TG: variants seen among roughly 807,000 people sequenced by gnomAD.
TG encodes the protein thyroglobulin, also known as thyroid hormones.
In TG, 270 loss-of-function variants were observed where a neutral mutation model predicts 324.7. That is an observed-to-expected ratio of 0.83 (90% CI 0.75 to 0.92). The LOEUF (loss-of-function observed/expected upper bound fraction) is 0.92, where lower values mean the gene tolerates loss of function less well. Among genes scored for constraint, TG ranks in the 40% least tolerant of loss-of-function variants. The probability of loss-of-function intolerance (pLI) is 0.00; values close to 1 mark genes in which losing one functional copy is unlikely to be tolerated. For missense variants in TG, 3,591 were observed against 3,456.4 expected, an observed-to-expected ratio of 1.04 and a Z score of -0.98; for synonymous variants, 1,401 against 1,327.0, an observed-to-expected ratio of 1.06 and a Z score of -1.21.
At chr8:133,116,567 G>T in intron 44 of TG, 42 bp from the exon 45 acceptor site, 1 of 1,577,072 alleles carries the variant, frequency 6.3e-7, no homozygotes, top group South Asian at 1.1e-5. Context: ...GGCCCATAGA[G>T]CCATGTTTAA....
At chr8:132,963,141 G>T in intron 29 of TG, 67 bp downstream of exon 29, 1 of 1,426,152 alleles carries the variant, frequency 7.0e-7, no homozygotes, top group South Asian at 1.1e-5. Context: ...GGTGCACCAA[G>T]AGTTTAATCA....
At chr8:132,887,752 C>T (rs912143887) in intron 9 of TG, among the ~76,000 whole-genome samples, 1 of 152,080 alleles carries the variant, frequency 6.6e-6, no homozygotes, top group African/African-American at 2.4e-5. Flanking sequence ...ATTTGTCTGG[C>T]CTTAAAGAAC....
At chr8:132,868,480 C>T (rs940083450) in intron 2 of TG, among the ~76,000 whole-genome samples, 42 of 152,216 alleles carry the variant, frequency 2.8e-4, no homozygotes, top group African/African-American at 9.7e-4. Flanking sequence ...ACTGCCCTCC[C>T]TTCTCTTCTT....
At chr8:132,909,563 C>T (rs1478761345) in intron 18 of TG, among the ~76,000 whole-genome samples, 2 of 152,110 alleles carry the variant, frequency 1.3e-5, no homozygotes, top group African/African-American at 4.8e-5. Context: ...CAGAGAGCTT[C>T]TAAGGTCAGA....
rs117469795 is a variant in TG, at chr8:133,093,669, C to T, written c.7240-1375C>T. On this transcript the variant is annotated intron_variant, in intron 41 of 47. Transcript: ENST00000220616. ...TGGCTGAGATTCTGACTGGCCTTGC[C>T]TCTGACCCTAGCCACATGTCCCTTC... Among the ~76,000 whole-genome samples the T allele has an allele frequency of 9.7e-3, 1,471 of 152,316 alleles. 13 individuals carry two copies. Among genetic ancestry groups the T allele is most frequent in the Middle Eastern group, 0.02 (6 of 294 alleles).
chr8:133,037,642 T>A (rs1436744191), intron 41 of TG: 11 of 151,964 alleles, frequency 7.2e-5, no homozygotes, highest in African/African-American at 1.2e-4. Context: ...ACGCATCTTT[T>A]TTTTTTTTTT....
At chr8:133,129,742 C>G (rs893890611) in intron 45 of TG, among the ~76,000 whole-genome samples, 2 of 152,166 alleles carry the variant, frequency 1.3e-5, no homozygotes, top group Admixed American at 6.5e-5. Context: ...AGCAATCCAC[C>G]TGCCTTGGCC....
At chr8:133,023,319 A>T (rs1434730315) in intron 40 of TG, among the ~76,000 whole-genome samples, 1 of 151,942 alleles carries the variant, frequency 6.6e-6, no homozygotes, top group South Asian at 2.1e-4. Flanking sequence ...ATTTTTTTTG[A>T]TGGGGAGCAG....
chr8:132,969,348 A>G (rs1829132487), intron 31 of TG, 110 bp from the exon 32 acceptor site: 3 of 790,210 alleles, frequency 3.8e-6, no homozygotes, highest in Admixed American at 1.9e-5. Context: ...TGAATTTAAT[A>G]TGTCATCTTT....
chr8:133,011,769 G>T lies in TG; in HGVS notation c.6263-132G>T, dbSNP rs143182469. 112 of 1,068,456 alleles carry T rather than the reference G, an allele frequency of 1.0e-4. No individual in the cohort carries two copies. In the East Asian group the frequency reaches 2.6e-3, roughly 25 times the overall value. The allele number at this position is 1,068,456 out of a possible 1,614,324, so 66.2% of individuals were successfully genotyped here. On this transcript the variant is annotated intron_variant, in intron 35 of 47. Coordinates refer to ENST00000220616, the MANE Select transcript of TG (RefSeq NM_003235.5). ...AATGGAAAGATGGATCAAGCTATAAGGTTGCACAGGAATGGAGACCAAGAG... is the reference window on the plus strand; with the variant it reads ...AATGGAAAGATGGATCAAGCTATAATGTTGCACAGGAATGGAGACCAAGAG...
chr8:133,128,475 G>A (rs1040168515), intron 45 of TG, among the ~76,000 whole-genome samples: 1 of 152,058 alleles, frequency 6.6e-6, no homozygotes, highest in Admixed American at 6.6e-5. Flanking sequence ...TCTTCCTTGA[G>A]TGGCAACTTA....
rs902308994 is a variant in TG, at chr8:133,042,690, T to C, written c.7239+12667T>C. 1.2e-3 allele frequency among the ~76,000 whole-genome samples: 152 copies of C among 123,044 alleles called. 2 individuals carry two copies. Among genetic ancestry groups the C allele is most frequent in the Non-Finnish European group, 1.8e-3 (113 of 61,390 alleles). The allele number at this position is 123,044 out of a possible 152,430, so 80.7% of individuals were successfully genotyped here. A position where few individuals can be genotyped will look rare whatever the true frequency, so the allele number is the denominator to read the frequency against. On this transcript the variant is annotated intron_variant, in intron 41 of 47. Coordinates refer to ENST00000220616, the MANE Select transcript of TG (RefSeq NM_003235.5). The stretch of plus-strand genomic sequence containing the variant: ...TCTCATTCTGTGTCTTTTTTTTTTT[T>C]TTTTTTTTTTTTTTTTTTTGTGAGA...
chr8:133,113,551 C>T lies in TG; in HGVS notation c.7702C>T (p.His2568Tyr), dbSNP rs778821869. Reference sequence around the variant, plus strand: ...TGCTACATGGTATTACTCTCTGGAGCACTCCACGGATGACTATGCCTCCTT... The same window carrying T: ...TGCTACATGGTATTACTCTCTGGAGTACTCCACGGATGACTATGCCTCCTT... ...AAATWYYSLE[H>Y]STDDYASFSR... Residue 2568 changes from histidine (H) to tyrosine (Y), a missense_variant, in exon 44 of 48, where the codon CAC becomes TAC. His to Tyr is a moderately conservative substitution (Grantham distance 83, BLOSUM62 2). Coordinates refer to ENST00000220616, the MANE Select transcript of TG (RefSeq NM_003235.5). 1.2e-6 allele frequency: 2 copies of T among 1,614,172 alleles called. No homozygotes were observed. The highest frequency in any genetic ancestry group is 3.3e-5 in the Admixed American group (2 of 60,032).
rs754623645 is a variant in TG at position 133,030,004 on chromosome 8, T to C, written c.7220T>C (p.Phe2407Ser). The C allele has an allele frequency of 6.2e-7, 1 of 1,614,202 alleles. No homozygotes were observed. Among genetic ancestry groups the C allele is most frequent in the Admixed American group, 1.7e-5 (1 of 60,028 alleles). The change falls in exon 41 of 48, where the codon TTC becomes TCC. Residue 2407 changes from phenylalanine (F) to serine (S), a missense_variant. Physicochemically the swap from Phe to Ser is radical, Grantham distance 155. Coordinates refer to ENST00000220616, the MANE Select transcript of TG (RefSeq NM_003235.5). ...LTARATNSQL[F>S]RRAVLMGGSA... ...GCCAGGGCCACCAACTCCCAACTTT[T>C]CCGGAGAGCTGTGCTGATGGTAAGT...
At chr8:132,913,906 A>G (rs1385357511) in intron 20 of TG, among the ~76,000 whole-genome samples, 1 of 152,222 alleles carries the variant, frequency 6.6e-6, no homozygotes, top group Non-Finnish European at 1.5e-5. Flanking sequence ...CAGGGCCTGC[A>G]GTCCTCCCGG....
intron 35 of TG, chr8:133,001,805 CTT>C (rs1833536251): frequency 1.0e-6 from 1 of 985,370 alleles, no homozygotes; most frequent in Non-Finnish European, 1.2e-6. Flanking sequence ...GCCTGAAAGA[CTT>C]TTCCTGCCTG....
intron 41 of TG, among the ~76,000 whole-genome samples, chr8:133,071,811 T>C (rs1844092783): frequency 6.6e-6 from 1 of 152,162 alleles, no homozygotes; most frequent in African/African-American, 2.4e-5. Flanking sequence ...GATTTGTCCT[T>C]ATGTATTTGT....
chr8:133,006,051 C>T (rs943883604), intron 35 of TG, among the ~76,000 whole-genome samples: 9 of 152,192 alleles, frequency 5.9e-5, no homozygotes, highest in Non-Finnish European at 8.8e-5. Flanking sequence ...ACCCCACAAA[C>T]GCAATGGTCC....
At chr8:132,898,770 C>A in intron 13 of TG, 28 bp from the exon 14 acceptor site, 2 of 1,607,634 alleles carry the variant, frequency 1.2e-6, no homozygotes, top group East Asian at 2.2e-5. Context: ...CACGACCAGT[C>A]CTTTACAAGC....
Sources: gnomAD v4.1 joint callset for allele counts (sites outside exome capture counted in the v4.1 genomes callset) on GRCh38, gnomAD v4.1.1 for gene constraint, MANE v1.5 for transcripts, NCBI Gene and HGNC (gene_info 2026-07-23, HGNC 2026-07-21) for gene names.